The following PERM1 variants were observed in gnomAD, a reference collection of about 807,000 sequenced individuals.
The protein encoded by PERM1 is PGC-1 and ERR-induced regulator in muscle protein 1.
A neutral mutation model predicts 44.1 loss-of-function variants in PERM1; 45 were observed. That is an observed-to-expected ratio of 1.02 (90% CI 0.80 to 1.31). The LOEUF (loss-of-function observed/expected upper bound fraction) is 1.31, where lower values mean the gene tolerates loss of function less well. Ranked by LOEUF, PERM1 falls within the 50% of genes most tolerant of loss-of-function variation. PERM1 has a pLI of 0.00. For synonymous variants in PERM1, 565 were observed against 477.1 expected, an observed-to-expected ratio of 1.18 and a Z score of -2.40; for missense variants, 1,189 against 1,106.9, an observed-to-expected ratio of 1.07 and a Z score of -1.05.
At chr1:981,064 T>C (rs1385137742), upstream of PERM1, 1 of 1,543,388 alleles carries the variant, frequency 6.5e-7, no homozygotes, top group Non-Finnish European at 8.7e-7. Context: ...GGTAGCAGAA[T>C]GGGTCCGGTG....
exon 3 of PERM1, chr1:976,138 CTCATCCT>C: frequency 6.5e-7 from 1 of 1,542,432 alleles, no homozygotes; most frequent in Middle Eastern, 2.1e-4. Flanking sequence ...TGGTCGTCTC[CTCATCCT>C]GCATCTCCCT....
exon 2 of PERM1, chr1:976,559 C>T: frequency 6.5e-7 from 1 of 1,549,570 alleles, no homozygotes; most frequent in South Asian, 1.2e-5. Flanking sequence ...GTGGCAAAAG[C>T]TACAAACACC....
At chr1:979,482 T>G in exon 1 of PERM1, 1 of 1,547,710 alleles carries the variant, frequency 6.5e-7, no homozygotes, top group South Asian at 1.2e-5. Context: ...GTCCTGAGCC[T>G]GGCTTATTGG....
exon 1 of PERM1, chr1:979,769 C>A: frequency 6.5e-7 from 1 of 1,550,376 alleles, no homozygotes; most frequent in Non-Finnish European, 8.7e-7. Context: ...TCTAGCTTAG[C>A]CACTGGGCCT....
At chr1:976,455 T>G in intron 2 of PERM1, 44 bp downstream of exon 3, 1 of 1,549,108 alleles carries the variant, frequency 6.5e-7, no homozygotes, top group Non-Finnish European at 8.7e-7. Flanking sequence ...CGCCCCTCGG[T>G]CTGGCTTCTA....
chr1:978,963 C>G (rs1158166731), exon 1 of PERM1: 2 of 1,508,778 alleles, frequency 1.3e-6, no homozygotes, highest in Non-Finnish European at 1.8e-6. Context: ...CGGAGGCCGA[C>G]CGGGGAGGCT....
chr1:979,332 G>A (rs897639329), exon 1 of PERM1: 44 of 1,525,498 alleles, frequency 2.9e-5, no homozygotes, highest in South Asian at 6.3e-5. Context: ...CCCTCGTCAC[G>A]GCAGAGGGAG....
exon 3 of PERM1, chr1:975,886 G>C (rs775044542): frequency 3.6e-5 from 15 of 416,358 alleles, no homozygotes; most frequent in Non-Finnish European, 6.4e-5. Context: ...GAAATTAACC[G>C]AATGCCCTGT....
At chr1:976,380 CTCAGCCTGGGGGGAGCAGG>C in intron 2 of PERM1, 100 bp downstream of exon 3, 1 of 1,500,598 alleles carries the variant, frequency 6.7e-7, no homozygotes, top group Non-Finnish European at 8.9e-7. Flanking sequence ...AGGGCCGCAG[CTCAGCCTGGGGGGAGCAGG>C]TCAGGGGTGA....
chr1:980,485 C>T (rs1037755807), exon 1 of PERM1: 32 of 1,511,230 alleles, frequency 2.1e-5, no homozygotes, highest in South Asian at 1.2e-4. Flanking sequence ...CCTCTTCTTT[C>T]GGCTGGGGCT....
exon 1 of PERM1, chr1:978,981 C>T: frequency 6.6e-7 from 1 of 1,521,984 alleles, no homozygotes; most frequent in African/African-American, 1.4e-5. Flanking sequence ...GCTCCAGGGC[C>T]TGCAGTGGGA....
At chr1:979,616 T>G in exon 1 of PERM1, 1 of 1,550,206 alleles carries the variant, frequency 6.5e-7, no homozygotes, top group African/African-American at 1.4e-5. Context: ...ACCGCCTCCA[T>G]CTCCACCACA....
chr1:976,484 C>G lies in PERM1; in HGVS notation c.2275+15G>C. ...GCTTCTAGGCGCAGCTCCCTCTGCC[C>G]CCAGGCACCCAAACCTGTTTTCCAG... On this transcript the variant is annotated intron_variant, in intron 2 of 2. Coordinates refer to ENST00000433179, the Ensembl canonical transcript of PERM1. The G allele has an allele frequency of 6.5e-7, 1 of 1,549,506 alleles. No individual in the cohort carries two copies. Among genetic ancestry groups the G allele is most frequent in the Non-Finnish European group, 8.7e-7 (1 of 1,146,394 alleles).
exon 1 of PERM1, chr1:980,052 C>T (rs1245205166): frequency 3.9e-6 from 6 of 1,548,910 alleles, no homozygotes; most frequent in South Asian, 2.4e-5. Context: ...CAGCCATGTC[C>T]CTGTCAGATT....
upstream of PERM1, among the ~76,000 whole-genome samples, chr1:981,473 A>G (rs986987438): frequency 2.0e-5 from 3 of 152,218 alleles, no homozygotes; most frequent in African/African-American, 7.2e-5. Context: ...AGCACCTTTC[A>G]GGGTCCACCC....
In PERM1 at chr1:979,149, CCT is replaced by C; in HGVS notation, c.1879_1880del (p.Arg627ValfsTer14). 6.5e-7 allele frequency: 1 copy of C among 1,550,080 alleles called. No homozygotes were observed. The highest frequency in any genetic ancestry group is 8.7e-7 in the Non-Finnish European group (1 of 1,146,792). On this transcript the variant is annotated frameshift_variant, in exon 1 of 3. Coordinates refer to ENST00000433179, the Ensembl canonical transcript of PERM1. LOFTEE classifies it high-confidence loss of function. ...GCTCCGGGGACCCCCGCCGCCTCGA[CCT>C]CTGGGCTCCAACGTCTGGGAAGAAG...
In PERM1 at chr1:976,281, G is replaced by A. The variant is rs932496549; in HGVS notation, c.2276-12C>T. 7.3e-6 allele frequency: 11 copies of A among 1,499,846 alleles called. No homozygotes were observed. The highest frequency in any genetic ancestry group is 1.8e-4 in the Middle Eastern group (1 of 5,706). The allele number at this position is 1,499,846 out of a possible 1,614,324, so 92.9% of individuals were successfully genotyped here. The stretch of plus-strand genomic sequence containing the variant: ...GTTGGCCAGCAAGGCTGCAAGAGAA[G>A]CACAGGCTCTTCTGAGGGCCAGCCT... On this transcript the variant is annotated splice_polypyrimidine_tract_variant and intron_variant, in intron 2 of 2. Transcript: ENST00000433179.
chr1:976,368 C>T, intron 2 of PERM1, 99 bp from the exon 4 acceptor site: 1 of 1,489,446 alleles, frequency 6.7e-7, no homozygotes, highest in Non-Finnish European at 9.0e-7. Context: ...GTCGGTGCGG[C>T]CAGGGCCGCA....
exon 1 of PERM1, chr1:979,726 A>C: frequency 6.5e-7 from 1 of 1,550,300 alleles, no homozygotes; most frequent in Non-Finnish European, 8.7e-7. Flanking sequence ...CATCCTCGGC[A>C]CAGCCTCCGA....
Sources: allele counts gnomAD v4.1 joint callset (sites outside exome capture counted in the v4.1 genomes callset), GRCh38; gene constraint gnomAD v4.1.1; transcripts MANE v1.5; gene names NCBI Gene and HGNC (gene_info 2026-07-23, HGNC 2026-07-21).